The following SYNE3 variants were observed in gnomAD, a reference collection of about 807,000 sequenced individuals.
SYNE3 encodes the protein nesprin-3.
In SYNE3, 100 loss-of-function variants were observed where a neutral mutation model predicts 111.2. The ratio of observed to expected loss-of-function variants is 0.90; its 90% CI spans 0.77 to 1.06. SYNE3 has a LOEUF of 1.06. SYNE3 is among the 50% of genes least tolerant of loss of function. The pLI, the probability that SYNE3 is intolerant of heterozygous loss-of-function variation, is 0.00. For synonymous variants in SYNE3, 547 were observed against 533.9 expected, an observed-to-expected ratio of 1.02 and a Z score of -0.34; for missense variants, 1,160 against 1,240.3, an observed-to-expected ratio of 0.94 and a Z score of 0.97.
chr14:95,447,999 A>G (rs4905314), intron 8 of SYNE3, among the ~76,000 whole-genome samples: 36,476 of 152,180 alleles, frequency 0.24, 4,418 homozygotes, highest in South Asian at 0.27. Context: ...GAATTATGTC[A>G]CACTCCAGAA....
chr14:95,425,715 T>C (rs144816497), intron 17 of SYNE3, among the ~76,000 whole-genome samples: 2 of 152,344 alleles, frequency 1.3e-5, no homozygotes, highest in Non-Finnish European at 2.9e-5. Flanking sequence ...TCTATGGGAA[T>C]ACTTTGTACA....
intron 10 of SYNE3, 26 bp from the exon 11 acceptor site, chr14:95,443,315 G>T: frequency 6.2e-7 from 1 of 1,613,606 alleles, no homozygotes; most frequent in South Asian, 1.1e-5. Flanking sequence ...GAACAGGTAG[G>T]CTAATCTTCC....
intron 4 of SYNE3, among the ~76,000 whole-genome samples, chr14:95,461,531 C>G (rs571501879): frequency 2.0e-5 from 3 of 152,212 alleles, no homozygotes; most frequent in Non-Finnish European, 4.4e-5. Flanking sequence ...GGGAGGACCC[C>G]ATGGTGCTTC....
At chr14:95,508,442 C>T (rs1890605987) in intron 1 of SYNE3, among the ~76,000 whole-genome samples, 1 of 152,182 alleles carries the variant, frequency 6.6e-6, no homozygotes, top group Non-Finnish European at 1.5e-5. Flanking sequence ...AGATAACAAT[C>T]CCTGGCCTTA....
chr14:95,412,900 C>T lies in SYNE3; in HGVS notation c.*4926G>A, dbSNP rs1435414498. 3.9e-5 allele frequency: 6 copies of T among 152,228 alleles called. No homozygotes were observed. Among genetic ancestry groups the T allele is most frequent in the Non-Finnish European group, 8.8e-5 (6 of 68,044 alleles). The allele number at this position is 152,228 out of a possible 1,614,324, so 9.4% of individuals were successfully genotyped here. ...ACACAATAGAAACCATCAAAGAAGA[C>T]AGAGCCACCTTTACCTATCCCTCAT... On this transcript the variant is annotated 3_prime_UTR_variant, in exon 18 of 18. Transcript: ENST00000682763.
rs780689307 is a variant in SYNE3 at position 95,452,370 on chromosome 14, G to A, written c.1151C>T (p.Ala384Val). ...HWRRYSATRA[A>V]LASEEPRVDR... ...CACCCGGGGCTCCTCCGAGGCCAGC[G>A]CCGCCCGTGTTGCCTGCAGCACATG... Residue 384 changes from alanine (A) to valine (V), a missense_variant, in exon 7 of 18, where the codon GCG (alanine) becomes GTG (valine). By Grantham distance (64) the Ala-to-Val change is moderately conservative. Coordinates refer to ENST00000682763, the MANE Select transcript of SYNE3 (RefSeq NM_152592.6). 7 of 1,610,084 alleles carry A rather than the reference G, an allele frequency of 4.3e-6. No homozygotes were observed. The highest frequency in any genetic ancestry group is 4.5e-5 in the East Asian group (2 of 44,862).
At chr14:95,504,907 A>C (rs528041097) in intron 1 of SYNE3, among the ~76,000 whole-genome samples, 85 of 152,382 alleles carry the variant, frequency 5.6e-4, no homozygotes, top group African/African-American at 2.0e-3. Context: ...CCAACTCTCC[A>C]GTAATAACAG....
intron 6 of SYNE3, 76 bp from the exon 7 acceptor site, chr14:95,452,459 C>T (rs984260335): frequency 6.9e-6 from 10 of 1,456,958 alleles, no homozygotes; most frequent in Admixed American, 2.2e-5. Flanking sequence ...GGAGGGTGAG[C>T]GTGGCCAGTG....
rs1889500025 is a variant in SYNE3 at position 95,485,534 on chromosome 14, C to A, written c.-14-9699G>T. On this transcript the variant is annotated intron_variant, in intron 1 of 17. Coordinates refer to ENST00000682763, the MANE Select transcript of SYNE3 (RefSeq NM_152592.6). The surrounding 1 kb of genome is among the most constrained non-coding windows in gnomAD (Gnocchi z 4.3). Reference sequence around the variant, plus strand: ...TAACCTACAGGTGCTAGGAGCTCTGCAACCCCACCTTCTGATGGCCACCCC... The same window carrying A: ...TAACCTACAGGTGCTAGGAGCTCTGAAACCCCACCTTCTGATGGCCACCCC... 6.6e-6 allele frequency among the ~76,000 whole-genome samples: 1 copy of A among 152,110 alleles called. No individual in the cohort carries two copies. The highest frequency in any genetic ancestry group is 2.4e-5 in the African/African-American group (1 of 41,396).
rs1213595904 is a variant in SYNE3, at chr14:95,458,338, G to A, written c.628-1000C>T. Among the ~76,000 whole-genome samples, 5 of 152,082 alleles carry A rather than the reference G, an allele frequency of 3.3e-5. No homozygotes were observed. The East Asian group carries it at 5.8e-4, about 18-fold the overall frequency. ...TGGCTTGAACCTTGGCCCCACCTTG[G>A]GTACCTAATTAAACCCTTCTGTGCC... is the stretch of plus-strand genomic sequence containing the variant. On this transcript the variant is annotated intron_variant, in intron 4 of 17. Coordinates refer to ENST00000682763, the MANE Select transcript of SYNE3 (RefSeq NM_152592.6).
chr14:95,491,634 C>T (rs1889853412), intron 1 of SYNE3, among the ~76,000 whole-genome samples: 1 of 152,136 alleles, frequency 6.6e-6, no homozygotes, highest in East Asian at 1.9e-4. Flanking sequence ...AAGAAGAAAA[C>T]ATACGCATCA....
At chr14:95,456,017 T>G (rs1293731462) in intron 5 of SYNE3, 2 of 438,250 alleles carry the variant, frequency 4.6e-6, no homozygotes, top group East Asian at 6.4e-5. Flanking sequence ...TTGTTTATCT[T>G]CCTTTCCATG....
chr14:95,456,026 T>A (rs975015384), intron 5 of SYNE3: 1 of 431,220 alleles, frequency 2.3e-6, no homozygotes. Context: ...TTCCTTTCCA[T>A]GCCTTCAGCT....
intron 17 of SYNE3, among the ~76,000 whole-genome samples, chr14:95,431,427 A>C (rs1179650103): frequency 1.3e-5 from 2 of 152,202 alleles, no homozygotes; most frequent in East Asian, 1.9e-4. Flanking sequence ...AGAGGCCCTA[A>C]CCACAACTTA....
intron 8 of SYNE3, among the ~76,000 whole-genome samples, chr14:95,448,783 A>G (rs544657232): frequency 4.5e-4 from 68 of 152,368 alleles, no homozygotes; most frequent in African/African-American, 1.6e-3. Context: ...ATGCAGGCAC[A>G]TGGCCAAGTA....
intron 17 of SYNE3, among the ~76,000 whole-genome samples, chr14:95,419,232 G>T (rs570095257): frequency 6.6e-6 from 1 of 152,256 alleles, no homozygotes; most frequent in East Asian, 1.9e-4. Flanking sequence ...CAGCTTTTAG[G>T]ATCCTAGCAG....
At chr14:95,426,571 G>A (rs1418191995) in intron 17 of SYNE3, among the ~76,000 whole-genome samples, 2 of 152,136 alleles carry the variant, frequency 1.3e-5, no homozygotes, top group African/African-American at 2.4e-5. Flanking sequence ...TGACACACAA[G>A]AGGGATTTTT....
At chr14:95,515,816 C>A (rs1316121028) in intron 1 of SYNE3, among the ~76,000 whole-genome samples, 1 of 152,170 alleles carries the variant, frequency 6.6e-6, no homozygotes, top group Admixed American at 6.5e-5. Context: ...TCATTATCAC[C>A]CCGCCCAGGC....
At chr14:95,482,598 G>A (rs568444523) in intron 1 of SYNE3, among the ~76,000 whole-genome samples, 1 of 152,214 alleles carries the variant, frequency 6.6e-6, no homozygotes, top group South Asian at 2.1e-4. Context: ...AAGCGGCAAC[G>A]TCAGTTTCAG....
Sources: allele counts gnomAD v4.1 joint callset (sites outside exome capture counted in the v4.1 genomes callset), GRCh38; gene constraint gnomAD v4.1.1; non-coding constraint Gnocchi (gnomAD v3.1); transcripts MANE v1.5; gene names NCBI Gene and HGNC (gene_info 2026-07-23, HGNC 2026-07-21).